Variants in C5orf58 observed in about 807,000 individuals in gnomAD.
The protein encoded by C5orf58 is chromosome 5 open reading frame 58, also known as putative uncharacterized protein C5orf58.
C5orf58 carries 2 observed loss-of-function variants against 2.9 expected under a neutral mutation model. The observed-to-expected ratio is 0.69, with a 90% CI of 0.28 to 2.18. The LOEUF (loss-of-function observed/expected upper bound fraction) is 2.18, where lower values mean the gene tolerates loss of function less well. Ranked by LOEUF, C5orf58 falls within the 30% of genes most tolerant of loss-of-function variation. The pLI is 0.13. For synonymous variants in C5orf58, 37 were observed against 33.4 expected (o/e 1.11, Z -0.37); for missense variants, 96 against 91.7 (o/e 1.05, Z -0.19).
chr5:170,235,023 TAATTAA>T lies in C5orf58; in HGVS notation c.50_55del (p.Ile17_Lys18del). The stretch of plus-strand genomic sequence containing the variant: ...GATCATAAGCTAAATGTGGACAAAG[TAATTAA>T]AAATATTAACACAATTTCTTCGGAG... On this transcript the variant is annotated inframe_deletion, in exon 3 of 4. Transcript: ENST00000593851. The T allele has an allele frequency of 5.2e-6, 8 of 1,548,738 alleles. No individual in the cohort carries two copies. The highest frequency in any genetic ancestry group is 6.2e-6 in the Non-Finnish European group (7 of 1,130,554).
At chr5:170,233,280 CTT>C (rs1760591433) in intron 1 of C5orf58, 1 of 152,286 alleles carries the variant, frequency 6.6e-6, no homozygotes, top group South Asian at 2.1e-4. Flanking sequence ...TGGCAAGAAA[CTT>C]AGTAAGCCCC....
rs1343394731 is a variant in C5orf58 at position 170,246,176 on chromosome 5, T to C, written c.*63T>C. The C allele has an allele frequency of 7.5e-7, 1 of 1,340,402 alleles. No homozygotes were observed. Among genetic ancestry groups the C allele is most frequent in the Non-Finnish European group, 1.0e-6 (1 of 969,328 alleles). The allele number at this position is 1,340,402 out of a possible 1,614,324, so 83.0% of individuals were successfully genotyped here. ...CTAACAAATATTTGGGAGAGTTGAG[T>C]TTACTAATTTGTATATATATAATTT... On this transcript the variant is annotated 3_prime_UTR_variant, in exon 4 of 4. Coordinates refer to ENST00000593851, the MANE Select transcript of C5orf58 (RefSeq NM_001102609.3).
intron 3 of C5orf58, among the ~76,000 whole-genome samples, chr5:170,239,254 G>A (rs2113101571): frequency 6.6e-6 from 1 of 152,284 alleles, no homozygotes; most frequent in South Asian, 2.1e-4. Flanking sequence ...ACTCAGCTAT[G>A]AAGAATATTT....
At chr5:170,251,800 C>T in exon 3 of C5orf58, 1 of 339,186 alleles carries the variant, frequency 2.9e-6, no homozygotes, top group South Asian at 2.1e-5. Flanking sequence ...CAAGGTGAGA[C>T]CCAGGAATCG....
At chr5:170,246,345 A>G (rs530427329), downstream of C5orf58, 22 of 318,414 alleles carry the variant, frequency 6.9e-5, no homozygotes, top group Non-Finnish European at 1.2e-4. Flanking sequence ...CCTTTAGCTT[A>G]TGCTTGAATT....
At chr5:170,249,680 G>A (rs1312082886), downstream of C5orf58, among the ~76,000 whole-genome samples, 2 of 152,112 alleles carry the variant, frequency 1.3e-5, no homozygotes, top group Non-Finnish European at 2.9e-5. Context: ...CACTCATAAA[G>A]GCTCAGCAAC....
At chr5:170,237,189 G>T (rs377478367) in intron 3 of C5orf58, 1 of 397,844 alleles carries the variant, frequency 2.5e-6, no homozygotes, top group African/African-American at 2.1e-5. Context: ...GACCTGTAGA[G>T]CTACGCTAGG....
chr5:170,247,517 TA>T (rs1761325884), downstream of C5orf58: 1 of 152,198 alleles, frequency 6.6e-6, no homozygotes, highest in Admixed American at 6.5e-5. Context: ...AGTTGTGCAA[TA>T]ACAACCAAGG....
intron 3 of C5orf58, among the ~76,000 whole-genome samples, chr5:170,241,949 C>A (rs1480225799): frequency 6.6e-6 from 1 of 151,334 alleles, no homozygotes. Flanking sequence ...TGAATTACAT[C>A]CCATCAATAC....
chr5:170,234,656 G>A (rs1002953157), intron 2 of C5orf58, among the ~76,000 whole-genome samples: 4 of 152,110 alleles, frequency 2.6e-5, no homozygotes, highest in African/African-American at 9.7e-5. Context: ...TAACACAAAC[G>A]CTAAATTGTA....
At chr5:170,249,274 G>A (rs930330300), downstream of C5orf58, among the ~76,000 whole-genome samples, 2 of 151,734 alleles carry the variant, frequency 1.3e-5, no homozygotes, top group East Asian at 1.9e-4. Flanking sequence ...GCAGTGAGCC[G>A]AGATTGCGCC....
chr5:170,234,239 A>C lies in C5orf58; in HGVS notation c.-1+41A>C, dbSNP rs757715527. On this transcript the variant is annotated intron_variant, in intron 2 of 3. Transcript: ENST00000593851. ...TTATTTTGGACAAGCAGCTTGACCC[A>C]TGACTGCCCACCTTTCACACTGCTG... is the stretch of plus-strand genomic sequence containing the variant. The C allele has an allele frequency of 1.6e-5, 19 of 1,221,128 alleles. No homozygotes were observed. The South Asian group carries it at 2.2e-4, about 14-fold the overall frequency. The allele number at this position is 1,221,128 out of a possible 1,614,324, so 75.6% of individuals were successfully genotyped here. A position where few individuals can be genotyped will look rare whatever the true frequency, so the allele number is the denominator to read the frequency against.
chr5:170,237,003 G>A (rs1760770217), intron 3 of C5orf58, among the ~76,000 whole-genome samples: 1 of 152,166 alleles, frequency 6.6e-6, no homozygotes, highest in East Asian at 1.9e-4. Context: ...TGAATAAATG[G>A]TTCTGGATGC....
At chr5:170,248,872 CTTCACT>C, downstream of C5orf58, 1 of 1,588,688 alleles carries the variant, frequency 6.3e-7, no homozygotes, top group South Asian at 1.1e-5. Context: ...AAAGCAGGAA[CTTCACT>C]TTCAGTTTTT....
At chr5:170,236,375 T>C (rs1760741456) in intron 3 of C5orf58, among the ~76,000 whole-genome samples, 1 of 152,210 alleles carries the variant, frequency 6.6e-6, no homozygotes, top group Non-Finnish European at 1.5e-5. Context: ...ACAGAGTCAA[T>C]GTTCTTATGG....
At chr5:170,245,800 G>A (rs536919725) in intron 3 of C5orf58, among the ~76,000 whole-genome samples, 162 bp from the exon 4 acceptor site, 6 of 152,294 alleles carry the variant, frequency 3.9e-5, no homozygotes, top group African/African-American at 1.4e-4. Context: ...CTCCTCGAGA[G>A]CATAAATCTT....
chr5:170,250,994 C>T, downstream of C5orf58: 2 of 802,574 alleles, frequency 2.5e-6, no homozygotes. Flanking sequence ...GTCAGTTGCA[C>T]TTTGCAGCTT....
At position 170,240,177 on chromosome 5, in the gene C5orf58, G is replaced by A. The variant is rs1483299848; in HGVS notation, c.94+5107G>A. 1.6e-4 allele frequency among the ~76,000 whole-genome samples: 25 copies of A among 151,544 alleles called. 1 individual carries two copies. The highest frequency in any genetic ancestry group is 3.2e-4 in the Non-Finnish European group (22 of 67,914). On this transcript the variant is annotated intron_variant, in intron 3 of 3. Coordinates refer to ENST00000593851, the MANE Select transcript of C5orf58 (RefSeq NM_001102609.3). ...CATTTTCTTAATCCAGTCTATCACT[G>A]TTGGACATTTGGGTTGGTTCCAAGT...
chr5:170,248,148 A>T (rs1312441469), downstream of C5orf58: 1 of 152,492 alleles, frequency 6.6e-6, no homozygotes, highest in Admixed American at 6.5e-5. Flanking sequence ...TCATAAAAAA[A>T]TTACGTAAAA....
Sources: allele counts gnomAD v4.1 joint callset (sites outside exome capture counted in the v4.1 genomes callset), GRCh38; gene constraint gnomAD v4.1.1; transcripts MANE v1.5; gene names NCBI Gene and HGNC (gene_info 2026-07-23, HGNC 2026-07-21).